The following HCRTR2 variants were observed in gnomAD, a reference collection of about 807,000 sequenced individuals.
HCRTR2 encodes orexin receptor type 2.
A neutral mutation model predicts 49.0 loss-of-function variants in HCRTR2; 22 were observed. The ratio of observed to expected loss-of-function variants is 0.45; its 90% CI spans 0.32 to 0.64. The LOEUF is 0.64. Ranked by LOEUF, HCRTR2 falls within the 30% of genes least tolerant of loss-of-function variation. HCRTR2 has a pLI of 0.04. For synonymous variants in HCRTR2, 236 were observed against 205.3 expected (o/e 1.15, Z -1.28); for missense variants, 491 against 559.4 (o/e 0.88, Z 1.23).
chr6:55,223,461 G>T (rs777985463), intron 1 of HCRTR2, among the ~76,000 whole-genome samples: 6 of 152,110 alleles, frequency 3.9e-5, no homozygotes, highest in Non-Finnish European at 8.8e-5. Context: ...CAAAAGAGAA[G>T]AAATTTCCTT....
At chr6:55,131,213 A>G (rs1764350817) in intron 1 of HCRTR2, among the ~76,000 whole-genome samples, 1 of 151,706 alleles carries the variant, frequency 6.6e-6, no homozygotes, top group East Asian at 1.9e-4. Flanking sequence ...GGTTTTACAT[A>G]TATTATTATT....
intron 1 of HCRTR2, among the ~76,000 whole-genome samples, chr6:55,129,960 C>T (rs1347113241): frequency 6.6e-6 from 1 of 151,942 alleles, no homozygotes; most frequent in Non-Finnish European, 1.5e-5. Context: ...AATGCTAACC[C>T]ACGTGTATTT....
intron 1 of HCRTR2, among the ~76,000 whole-genome samples, chr6:55,206,732 T>C (rs1437199472): frequency 6.6e-6 from 1 of 152,022 alleles, no homozygotes; most frequent in Non-Finnish European, 1.5e-5. Context: ...ACCTGAAGTG[T>C]CCTATATGCA....
chr6:55,260,707 C>A (rs1766738160), intron 3 of HCRTR2, among the ~76,000 whole-genome samples: 1 of 152,184 alleles, frequency 6.6e-6, no homozygotes, highest in African/African-American at 2.4e-5. Context: ...AACTCAACTG[C>A]ATCTGAAAGA....
chr6:55,184,997 G>A (rs1190744288), intron 1 of HCRTR2, among the ~76,000 whole-genome samples: 3 of 152,120 alleles, frequency 2.0e-5, no homozygotes, highest in East Asian at 1.9e-4. Context: ...AAGGCAATTC[G>A]TCTTTCATAA....
intron 1 of HCRTR2, among the ~76,000 whole-genome samples, chr6:55,242,036 T>G (rs1192050798): frequency 2.0e-5 from 3 of 151,510 alleles, no homozygotes. Context: ...GCCCAGCTAA[T>G]TTTTGTATTT....
intron 1 of HCRTR2, among the ~76,000 whole-genome samples, chr6:55,207,395 T>A (rs1765619959): frequency 6.6e-6 from 1 of 152,160 alleles, no homozygotes. Flanking sequence ...AGGACTTGCA[T>A]TTTCATGAAC....
intron 1 of HCRTR2, among the ~76,000 whole-genome samples, chr6:55,212,990 T>C (rs1457222731): frequency 1.3e-5 from 2 of 152,150 alleles, no homozygotes; most frequent in Non-Finnish European, 2.9e-5. Context: ...ATTGTAGCTA[T>C]GGCATTTGAT....
At chr6:55,119,741 T>C (rs1385268687) in intron 1 of HCRTR2, among the ~76,000 whole-genome samples, 2 of 152,090 alleles carry the variant, frequency 1.3e-5, no homozygotes, top group African/African-American at 2.4e-5. Flanking sequence ...CTGATGATAG[T>C]TTATTTTGCT....
At chr6:55,247,185 T>G (rs896880122) in intron 1 of HCRTR2, among the ~76,000 whole-genome samples, 1 of 151,924 alleles carries the variant, frequency 6.6e-6, no homozygotes, top group Admixed American at 6.6e-5. Context: ...TTATAGAAAA[T>G]AAATCACTCA....
At chr6:55,274,760 A>C (rs1291313203) in intron 4 of HCRTR2, among the ~76,000 whole-genome samples, 2 of 152,108 alleles carry the variant, frequency 1.3e-5, no homozygotes, top group Non-Finnish European at 1.5e-5. Flanking sequence ...ATTTTTAAAG[A>C]GATTTTTATC....
intron 1 of HCRTR2, among the ~76,000 whole-genome samples, chr6:55,169,192 C>A (rs1056221189): frequency 2.0e-5 from 3 of 151,604 alleles, no homozygotes; most frequent in African/African-American, 7.3e-5. Flanking sequence ...TTTATCTATG[C>A]TCAACATAAG....
At chr6:55,145,966 T>A (rs190601454) in intron 1 of HCRTR2, among the ~76,000 whole-genome samples, 1 of 152,282 alleles carries the variant, frequency 6.6e-6, no homozygotes, top group East Asian at 1.9e-4. Context: ...TATTCCTTTT[T>A]TTTTTCTCTG....
rs1456624524 is a variant in HCRTR2 at position 55,282,369 on chromosome 6, T to C, written c.1250T>C (p.Ile417Thr). Residue 417 changes from isoleucine to threonine, a missense_variant, in exon 7 of 7, where the codon ATA becomes ACA. Coordinates refer to ENST00000370862, the MANE Select transcript of HCRTR2 (RefSeq NM_001384272.1). ...LTTQISNFDN[I>T]SKLSEQVVLT... ...ACTCAAATCAGCAACTTTGATAACA[T>C]ATCAAAACTTTCTGAGCAAGTTGTG... is the stretch of plus-strand genomic sequence containing the variant. 3.1e-6 allele frequency: 5 copies of C among 1,613,572 alleles called. No homozygotes were observed. The highest frequency in any genetic ancestry group is 2.2e-5 in the East Asian group (1 of 44,826).
rs540862225 is a variant in HCRTR2, at chr6:55,142,424, G to A, written c.-377-31787G>A. Among the ~76,000 whole-genome samples the A allele has an allele frequency of 4.0e-5, 6 of 149,642 alleles. No homozygotes were observed. In the South Asian group the frequency reaches 1.3e-3, roughly 32 times the overall value. On this transcript the variant is annotated intron_variant, in intron 1 of 7. Coordinates refer to the HCRTR2 transcript ENST00000615358. ...GGGATTTCAACGTGTTAGCCAGGAT[G>A]GTCTCGATCTCCTGACCTCGTGATC...
chr6:55,198,186 C>T (rs931704180), intron 1 of HCRTR2, among the ~76,000 whole-genome samples: 15 of 152,052 alleles, frequency 9.9e-5, no homozygotes, highest in Non-Finnish European at 7.4e-5. Context: ...TAAAACAAAC[C>T]CCAATCTGTA....
chr6:55,212,543 G>A (rs1765714957), intron 1 of HCRTR2, among the ~76,000 whole-genome samples: 1 of 152,104 alleles, frequency 6.6e-6, no homozygotes, highest in African/African-American at 2.4e-5. Context: ...GCAGAAACAG[G>A]AGAAGATTCT....
intron 1 of HCRTR2, among the ~76,000 whole-genome samples, chr6:55,150,904 A>G (rs913555919): frequency 6.6e-6 from 1 of 152,080 alleles, no homozygotes; most frequent in Non-Finnish European, 1.5e-5. Context: ...AATAAAGTGA[A>G]TATCACAATA....
intron 1 of HCRTR2, among the ~76,000 whole-genome samples, chr6:55,202,255 G>C (rs1442853508): frequency 6.6e-6 from 1 of 152,064 alleles, no homozygotes; most frequent in East Asian, 1.9e-4. Context: ...GCATATATTT[G>C]TTTTGTCTCT....
Sources: gnomAD v4.1 joint callset for allele counts (sites outside exome capture counted in the v4.1 genomes callset) on GRCh38, gnomAD v4.1.1 for gene constraint, MANE v1.5 for transcripts, NCBI Gene and HGNC (gene_info 2026-07-23, HGNC 2026-07-21) for gene names.